The following CADM2 variants were observed in gnomAD, a reference collection of about 807,000 sequenced individuals.
CADM2 encodes the protein immunoglobulin superfamily member 4D.
Under a neutral mutation model 49.8 loss-of-function variants are expected in CADM2, and 12 were observed. The ratio of observed to expected loss-of-function variants is 0.24; its 90% CI spans 0.15 to 0.39. CADM2 has a LOEUF of 0.39. Ranked by LOEUF, CADM2 falls within the 10% of genes least tolerant of loss-of-function variation. The pLI, the probability that CADM2 is intolerant of heterozygous loss-of-function variation, is 1.00. For synonymous variants in CADM2, 214 were observed against 175.4 expected (o/e 1.22, Z -1.74); for missense variants, 378 against 492.3 (o/e 0.77, Z 2.20).
In CADM2 at chr3:84,996,184, G is replaced by A. The variant is rs147377651; in HGVS notation, c.61+36516G>A. 3.9e-3 allele frequency among the ~76,000 whole-genome samples: 592 copies of A among 152,152 alleles called. 6 individuals are homozygous for A. The highest frequency in any genetic ancestry group is 6.8e-3 in the Middle Eastern group (2 of 292). On this transcript the variant is annotated intron_variant, in intron 1 of 9. Transcript: ENST00000383699. Reference sequence around the variant, plus strand: ...TTAAATTTTTTAAAGTATTGAAAATGTTTTTTAAAAGGGAAGCAGCTTTAT... The same window carrying A: ...TTAAATTTTTTAAAGTATTGAAAATATTTTTTAAAAGGGAAGCAGCTTTAT...
intron 1 of CADM2, among the ~76,000 whole-genome samples, chr3:85,341,416 G>C (rs2045236802): frequency 6.6e-6 from 1 of 151,818 alleles, no homozygotes. Flanking sequence ...ACTAAAAATG[G>C]TTAGGGTAAC....
At chr3:85,816,995 C>T (rs2073247860) in intron 3 of CADM2, among the ~76,000 whole-genome samples, 1 of 152,040 alleles carries the variant, frequency 6.6e-6, no homozygotes. Flanking sequence ...TGTAATGTGC[C>T]ATTTTAAATT....
chr3:85,526,956 C>T (rs1199854600), intron 1 of CADM2, among the ~76,000 whole-genome samples: 1 of 152,104 alleles, frequency 6.6e-6, no homozygotes. Flanking sequence ...TTTTTTAACG[C>T]TCTTTCTGCA....
At chr3:85,434,716 A>C (rs971030434) in intron 1 of CADM2, among the ~76,000 whole-genome samples, 2 of 152,080 alleles carry the variant, frequency 1.3e-5, no homozygotes, top group Non-Finnish European at 2.9e-5. Flanking sequence ...GTCAATTTTA[A>C]TATTACCCTC....
At chr3:85,705,347 G>T (rs1345666315) in intron 1 of CADM2, among the ~76,000 whole-genome samples, 1 of 151,834 alleles carries the variant, frequency 6.6e-6, no homozygotes, top group Non-Finnish European at 1.5e-5. Flanking sequence ...TACAAGTCAG[G>T]TACTGTTACT....
At chr3:85,147,010 C>T (rs1345837839) in intron 1 of CADM2, among the ~76,000 whole-genome samples, 2 of 152,114 alleles carry the variant, frequency 1.3e-5, no homozygotes, top group Non-Finnish European at 2.9e-5. Context: ...CAGTGGCTCA[C>T]GCCTGTAACC....
intron 5 of CADM2, among the ~76,000 whole-genome samples, chr3:85,911,917 T>A (rs1717645201): frequency 6.8e-6 from 1 of 147,818 alleles, no homozygotes; most frequent in South Asian, 2.2e-4. Flanking sequence ...CTTAGAATTT[T>A]TTAATTTTTT....
intron 1 of CADM2, among the ~76,000 whole-genome samples, chr3:84,993,327 C>T (rs2032997638): frequency 6.6e-6 from 1 of 152,100 alleles, no homozygotes; most frequent in Non-Finnish European, 1.5e-5. Context: ...TATTTTGATG[C>T]CCATTGCTAG....
At chr3:85,416,563 G>A (rs542750650) in intron 1 of CADM2, among the ~76,000 whole-genome samples, 6 of 152,232 alleles carry the variant, frequency 3.9e-5, no homozygotes, top group Non-Finnish European at 7.4e-5. Flanking sequence ...TGTTGAGGAC[G>A]TTGCTTTGTC....
chr3:85,877,684 G>GTTTTTTTTTTTTTTTTTTT (rs368101272), intron 3 of CADM2, among the ~76,000 whole-genome samples: 2 of 112,026 alleles, frequency 1.8e-5, no homozygotes, highest in African/African-American at 6.7e-5. Context: ...TTTTTCTTCT[G>GTTTTTTTTTTTTTTTTTTT]TTTTTTTTTT....
At chr3:85,596,701 G>C (rs1325940833) in intron 1 of CADM2, among the ~76,000 whole-genome samples, 1 of 152,008 alleles carries the variant, frequency 6.6e-6, no homozygotes, top group Non-Finnish European at 1.5e-5. Flanking sequence ...AGTTCTATTG[G>C]ACAGTGCTGA....
intron 3 of CADM2, among the ~76,000 whole-genome samples, chr3:85,881,867 C>T (rs759717513): frequency 6.6e-5 from 10 of 151,944 alleles, no homozygotes; most frequent in Non-Finnish European, 1.2e-4. Context: ...TCAAATCATC[C>T]GGCATTAGTT....
chr3:85,839,227 G>T (rs1047264182), intron 3 of CADM2, among the ~76,000 whole-genome samples: 1 of 151,642 alleles, frequency 6.6e-6, no homozygotes, highest in Non-Finnish European at 1.5e-5. Flanking sequence ...AAGCTGCTCC[G>T]ATTTTTTTCC....
At chr3:85,283,270 ACATTAT>A (rs2043549601) in intron 1 of CADM2, among the ~76,000 whole-genome samples, 2 of 151,664 alleles carry the variant, frequency 1.3e-5, no homozygotes, top group Admixed American at 6.6e-5. Context: ...TTATTTTTTG[ACATTAT>A]CATGTTTATT....
intron 1 of CADM2, among the ~76,000 whole-genome samples, chr3:85,004,514 G>A (rs2033630116): frequency 6.6e-6 from 1 of 152,108 alleles, no homozygotes; most frequent in Non-Finnish European, 1.5e-5. Context: ...ATACTGCCAT[G>A]CTAGGGATAA....
intron 1 of CADM2, among the ~76,000 whole-genome samples, chr3:85,006,606 A>G (rs2033742216): frequency 6.6e-6 from 1 of 152,126 alleles, no homozygotes; most frequent in African/African-American, 2.4e-5. Flanking sequence ...AAGGATAAAA[A>G]TGCATGCCTG....
At chr3:85,067,736 C>T (rs1289011122) in intron 1 of CADM2, among the ~76,000 whole-genome samples, 2 of 152,072 alleles carry the variant, frequency 1.3e-5, no homozygotes, top group Non-Finnish European at 2.9e-5. Flanking sequence ...TCTAGGGAAA[C>T]CTGTTTCTGC....
chr3:85,286,590 C>T (rs769382671), intron 1 of CADM2, among the ~76,000 whole-genome samples: 64 of 152,258 alleles, frequency 4.2e-4, no homozygotes, highest in Middle Eastern at 3.4e-3. Context: ...TCTAATTCAA[C>T]TAAAGTCACT....
At chr3:85,310,086 G>A (rs2044307572) in intron 1 of CADM2, among the ~76,000 whole-genome samples, 1 of 152,142 alleles carries the variant, frequency 6.6e-6, no homozygotes. Flanking sequence ...AAACAGAAAA[G>A]GCTTTAATAA....
Sources: allele counts gnomAD v4.1 joint callset (sites outside exome capture counted in the v4.1 genomes callset), GRCh38; gene constraint gnomAD v4.1.1; transcripts MANE v1.5; gene names NCBI Gene and HGNC (gene_info 2026-07-23, HGNC 2026-07-21).